The following MTA3 variants were observed in gnomAD, a reference collection of about 807,000 sequenced individuals.
The protein encoded by MTA3 is metastasis-associated protein MTA3.
In MTA3, 34 loss-of-function variants were observed where a neutral mutation model predicts 83.5. The observed-to-expected ratio is 0.41, with a 90% CI of 0.31 to 0.54. The LOEUF is 0.54. Ranked by LOEUF, MTA3 falls within the 20% of genes least tolerant of loss-of-function variation. The pLI is 0.33. For synonymous variants in MTA3, 303 were observed against 252.7 expected, an observed-to-expected ratio of 1.20 and a Z score of -1.89; for missense variants, 761 against 726.4, an observed-to-expected ratio of 1.05 and a Z score of -0.55.
intron 15 of MTA3, among the ~76,000 whole-genome samples, chr2:42,719,963 A>G (rs1422826713): frequency 6.6e-6 from 1 of 152,164 alleles, no homozygotes; most frequent in African/African-American, 2.4e-5. Context: ...GTAAAGTGAA[A>G]TATGTACTCA....
intron 4 of MTA3, among the ~76,000 whole-genome samples, chr2:42,633,089 C>T (rs1327889720): frequency 1.3e-5 from 2 of 151,718 alleles, no homozygotes; most frequent in Non-Finnish European, 2.9e-5. Flanking sequence ...ATGGTGAAAT[C>T]CTGTCTCTAG....
At chr2:42,527,651 AT>A (rs1252473999) in intron 2 of MTA3, among the ~76,000 whole-genome samples, 5 of 152,012 alleles carry the variant, frequency 3.3e-5, no homozygotes, top group Non-Finnish European at 7.4e-5. Flanking sequence ...AAGTTTAATA[AT>A]TTTTTTAATT....
intron 4 of MTA3, among the ~76,000 whole-genome samples, chr2:42,614,698 G>A (rs1684639363): frequency 6.6e-6 from 1 of 151,980 alleles, no homozygotes; most frequent in African/African-American, 2.4e-5. Flanking sequence ...TATTCAGCTG[G>A]GTGCAGTGGC....
intron 16 of MTA3, among the ~76,000 whole-genome samples, chr2:42,751,606 G>A (rs1405393280): frequency 6.6e-6 from 1 of 152,184 alleles, no homozygotes; most frequent in Non-Finnish European, 1.5e-5. Context: ...GAAAACCGTG[G>A]CCAGGGTGGA....
At chr2:42,607,823 C>T (rs1166802785) in intron 3 of MTA3, among the ~76,000 whole-genome samples, 1 of 152,074 alleles carries the variant, frequency 6.6e-6, no homozygotes, top group Non-Finnish European at 1.5e-5. Flanking sequence ...TGGTGGCACA[C>T]GCCTGTAATC....
At chr2:42,603,804 G>C (rs1323872260) in intron 3 of MTA3, among the ~76,000 whole-genome samples, 2 of 152,062 alleles carry the variant, frequency 1.3e-5, no homozygotes, top group East Asian at 1.9e-4. Context: ...TGTCACCCAG[G>C]CTGGTGTGCA....
At chr2:42,513,533 C>T (rs538955306) in intron 2 of MTA3, among the ~76,000 whole-genome samples, 46 of 152,274 alleles carry the variant, frequency 3.0e-4, no homozygotes, top group African/African-American at 9.9e-4. Context: ...AATAGTGAGG[C>T]CACATCTAAA....
chr2:42,626,366 C>T (rs906698030), intron 4 of MTA3, among the ~76,000 whole-genome samples: 7 of 151,644 alleles, frequency 4.6e-5, no homozygotes, highest in Middle Eastern at 3.4e-3. Flanking sequence ...GGTGTAATCT[C>T]GGCTCACTGC....
chr2:42,594,719 T>TAAATATAC (rs1289483181), intron 3 of MTA3, among the ~76,000 whole-genome samples: 2,066 of 42,880 alleles, frequency 0.048, 44 homozygotes, highest in Non-Finnish European at 0.058. Flanking sequence ...TATATATATA[T>TAAATATAC]ATATATATAT....
intron 16 of MTA3, among the ~76,000 whole-genome samples, chr2:42,729,705 T>C (rs1573786399): frequency 6.6e-6 from 1 of 152,234 alleles, no homozygotes; most frequent in Non-Finnish European, 1.5e-5. Context: ...CTCTGTAGTA[T>C]AATTTGAAGT....
At chr2:42,720,970 A>AAAAAG (rs1558618596) in intron 15 of MTA3, among the ~76,000 whole-genome samples, 7 of 149,934 alleles carry the variant, frequency 4.7e-5, no homozygotes, top group East Asian at 1.9e-4. Context: ...AAAAAAAAAA[A>AAAAAG]AAAAGAAAAG....
At chr2:42,573,616 T>A (rs923843990) in intron 2 of MTA3, among the ~76,000 whole-genome samples, 1 of 152,184 alleles carries the variant, frequency 6.6e-6, no homozygotes. Context: ...GTTCAAGCAA[T>A]TCTTCTGCCT....
intron 14 of MTA3, among the ~76,000 whole-genome samples, chr2:42,717,347 T>C (rs1667102431): frequency 6.6e-6 from 1 of 152,034 alleles, no homozygotes. Flanking sequence ...TGTAGGACAT[T>C]TTTGTCAAAT....
intron 3 of MTA3, among the ~76,000 whole-genome samples, chr2:42,600,946 G>A (rs778361855): frequency 1.6e-4 from 24 of 150,782 alleles, no homozygotes; most frequent in African/African-American, 4.1e-4. Flanking sequence ...ATGTTCTGTC[G>A]CTTAGGCTTG....
chr2:42,641,376 A>G (rs1687679617), intron 5 of MTA3, among the ~76,000 whole-genome samples: 1 of 152,276 alleles, frequency 6.6e-6, no homozygotes, highest in East Asian at 1.9e-4. Flanking sequence ...TCAAAGCAGA[A>G]AAAAGGCTAA....
At chr2:42,666,159 C>G (rs944523620) in intron 8 of MTA3, among the ~76,000 whole-genome samples, 15 of 152,054 alleles carry the variant, frequency 9.9e-5, no homozygotes, top group African/African-American at 3.4e-4. Flanking sequence ...CACCTGTAGT[C>G]CCAGCTACTC....
chr2:42,571,211 A>T (rs890780101), intron 2 of MTA3, among the ~76,000 whole-genome samples: 1 of 151,686 alleles, frequency 6.6e-6, no homozygotes, highest in African/African-American at 2.4e-5. Context: ...CCTGGCCAAC[A>T]TGGTGAAACC....
intron 2 of MTA3, among the ~76,000 whole-genome samples, chr2:42,509,566 T>C (rs554788436): frequency 1.1e-4 from 17 of 152,118 alleles, no homozygotes; most frequent in African/African-American, 3.9e-4. Context: ...ACCCAGGTGT[T>C]TGAGACCAGT....
chr2:42,706,581 G>A (rs1020251781), intron 12 of MTA3, among the ~76,000 whole-genome samples: 3 of 152,172 alleles, frequency 2.0e-5, no homozygotes, highest in Admixed American at 1.3e-4. Context: ...TAACTTACAG[G>A]TCAGAGAAAT....
Sources: allele counts gnomAD v4.1 joint callset (sites outside exome capture counted in the v4.1 genomes callset), GRCh38; gene constraint gnomAD v4.1.1; transcripts MANE v1.5; gene names NCBI Gene and HGNC (gene_info 2026-07-23, HGNC 2026-07-21).